Variants in MANBA observed in about 807,000 individuals in gnomAD.
MANBA encodes the protein mannosidase beta.
A neutral mutation model predicts 111.1 loss-of-function variants in MANBA; 83 were observed. The ratio of observed to expected loss-of-function variants is 0.75; its 90% confidence interval spans 0.63 to 0.90. The LOEUF is 0.90. Ranked by LOEUF, MANBA falls within the 40% of genes least tolerant of loss-of-function variation. The pLI is 0.00. For synonymous variants in MANBA, 370 were observed against 378.7 expected (o/e 0.98, Z 0.27); for missense variants, 1,036 against 1,069.0 (o/e 0.97, Z 0.43).
At chr4:102,753,918 C>T in intron 1 of MANBA, 2 of 438,194 alleles carry the variant, frequency 4.6e-6, no homozygotes, top group South Asian at 1.6e-5. Context: ...CCATGAGAAT[C>T]GCTTGAACCT....
intron 11 of MANBA, 40 bp from the exon 12 acceptor site, chr4:102,657,940 C>A: frequency 7.4e-7 from 1 of 1,356,220 alleles, no homozygotes; most frequent in South Asian, 1.2e-5. Context: ...ATAATATATT[C>A]ATCCTGTAAA....
intron 5 of MANBA, among the ~76,000 whole-genome samples, chr4:102,711,386 G>A (rs572218446): frequency 1.3e-5 from 2 of 152,236 alleles, no homozygotes; most frequent in South Asian, 4.1e-4. Flanking sequence ...CTAATCATCA[G>A]GGAACTGTAA....
chr4:102,654,499 G>T (rs1257963654), intron 12 of MANBA, among the ~76,000 whole-genome samples: 4 of 152,144 alleles, frequency 2.6e-5, no homozygotes, highest in African/African-American at 9.7e-5. Context: ...TTATAGTTGT[G>T]TTCAGGTAGC....
chr4:102,636,564 G>A (rs1269202663), intron 14 of MANBA, among the ~76,000 whole-genome samples: 4 of 152,032 alleles, frequency 2.6e-5, no homozygotes, highest in Non-Finnish European at 4.4e-5. Context: ...TAACCATTTC[G>A]GGTGATAAGA....
intron 13 of MANBA, among the ~76,000 whole-genome samples, chr4:102,650,110 C>T (rs1185204379): frequency 6.6e-6 from 1 of 152,116 alleles, no homozygotes; most frequent in Non-Finnish European, 1.5e-5. Flanking sequence ...CCACGTGATT[C>T]ACCACTGTTT....
At chr4:102,643,485 G>A (rs984883893) in intron 13 of MANBA, among the ~76,000 whole-genome samples, 14 of 152,084 alleles carry the variant, frequency 9.2e-5, no homozygotes, top group African/African-American at 2.7e-4. Flanking sequence ...ACTGTTTACC[G>A]CAGCAGCTGA....
chr4:102,690,866 A>C, intron 5 of MANBA, 95 bp from the exon 6 acceptor site: 1 of 398,934 alleles, frequency 2.5e-6, no homozygotes, highest in Non-Finnish European at 3.8e-6. Context: ...GGTAAGACTA[A>C]AGCAGCTTCA....
At chr4:102,727,662 T>C (rs1413481330) in intron 1 of MANBA, 10 of 1,441,052 alleles carry the variant, frequency 6.9e-6, no homozygotes, top group Non-Finnish European at 8.8e-6. Context: ...CTTCTCTAAG[T>C]TGAACGCAGT....
At chr4:102,637,509 C>T (rs1054333597) in intron 14 of MANBA, among the ~76,000 whole-genome samples, 6 of 152,154 alleles carry the variant, frequency 3.9e-5, no homozygotes, top group South Asian at 2.1e-4. Flanking sequence ...AGATCATACC[C>T]GCTTTGTCCA....
intron 4 of MANBA, among the ~76,000 whole-genome samples, chr4:102,718,484 C>A (rs1040724065): frequency 6.6e-6 from 1 of 152,116 alleles, no homozygotes; most frequent in Non-Finnish European, 1.5e-5. Context: ...TTTAGGAGAA[C>A]AAGGATGTGG....
chr4:102,669,522 T>C (rs1246599987), intron 9 of MANBA, among the ~76,000 whole-genome samples: 1 of 152,178 alleles, frequency 6.6e-6, no homozygotes, highest in African/African-American at 2.4e-5. Flanking sequence ...AGTCCCTTCC[T>C]AAGGAGGCTG....
Position 102,630,852 on chromosome 4 carries a change from T to C in MANBA, c.*1205A>G, listed in dbSNP as rs1325811818. The C allele has an allele frequency of 6.6e-6, 1 of 152,196 alleles. No individual in the cohort carries two copies. Among genetic ancestry groups the C allele is most frequent in the Admixed American group, 6.5e-5 (1 of 15,286 alleles). 9.4% of individuals were successfully genotyped at this position (152,196 alleles called of 1,614,324 possible). A position where few individuals can be genotyped will look rare whatever the true frequency, so the allele number is the denominator to read the frequency against. On this transcript the variant is annotated 3_prime_UTR_variant, in exon 17 of 17. Coordinates refer to ENST00000647097, the MANE Select transcript of MANBA (RefSeq NM_005908.4). ...CACAAGAAAACTGAGCACAGGAAGT[T>C]AAGTAACTTGATTAAGGTTACAGAA...
At chr4:102,669,713 G>T (rs1196434069) in intron 9 of MANBA, among the ~76,000 whole-genome samples, 1 of 152,166 alleles carries the variant, frequency 6.6e-6, no homozygotes, top group Non-Finnish European at 1.5e-5. Context: ...AGGCACGGTG[G>T]CTCACGCCTG....
chr4:102,637,752 G>C (rs1054954138), intron 14 of MANBA, among the ~76,000 whole-genome samples: 1 of 152,186 alleles, frequency 6.6e-6, no homozygotes, highest in Non-Finnish European at 1.5e-5. Flanking sequence ...TCATACGGCT[G>C]TTTATTTGTG....
At chr4:102,758,174 G>A (rs962558679) in intron 1 of MANBA, among the ~76,000 whole-genome samples, 6 of 152,102 alleles carry the variant, frequency 3.9e-5, no homozygotes, top group Non-Finnish European at 7.3e-5. Flanking sequence ...TCTTCAGTGT[G>A]CCACCTGCCT....
intron 1 of MANBA, among the ~76,000 whole-genome samples, chr4:102,759,877 G>A (rs567287801): frequency 6.6e-6 from 1 of 152,244 alleles, no homozygotes; most frequent in South Asian, 2.1e-4. Flanking sequence ...ATACAGAGTT[G>A]TTATGAGGAT....
At chr4:102,719,750 A>G (rs959380341) in intron 4 of MANBA, among the ~76,000 whole-genome samples, 1 of 152,250 alleles carries the variant, frequency 6.6e-6, no homozygotes, top group African/African-American at 2.4e-5. Flanking sequence ...AATGACGGGC[A>G]TACCTCAAGT....
intron 9 of MANBA, among the ~76,000 whole-genome samples, chr4:102,670,739 C>T (rs746936931): frequency 2.6e-5 from 4 of 151,908 alleles, no homozygotes; most frequent in Non-Finnish European, 4.4e-5. Flanking sequence ...TTAGCACATG[C>T]CTGTAATCCC....
At chr4:102,683,782 T>A (rs1054133226) in intron 7 of MANBA, among the ~76,000 whole-genome samples, 1 of 152,242 alleles carries the variant, frequency 6.6e-6, no homozygotes, top group Admixed American at 6.5e-5. Flanking sequence ...ATGATTTATT[T>A]GGCAGAATTT....
Sources: gnomAD v4.1 joint callset for allele counts (sites outside exome capture counted in the v4.1 genomes callset) on GRCh38, gnomAD v4.1.1 for gene constraint, MANE v1.5 for transcripts, NCBI Gene and HGNC (gene_info 2026-07-23, HGNC 2026-07-21) for gene names.